The following RPS6KA5 variants were observed in gnomAD, a reference collection of about 807,000 sequenced individuals.
RPS6KA5 encodes ribosomal protein S6 kinase A5.
In RPS6KA5, 27 loss-of-function variants were observed where a neutral mutation model predicts 85.5. The ratio of observed to expected loss-of-function variants is 0.32; its 90% CI spans 0.23 to 0.44. The LOEUF (loss-of-function observed/expected upper bound fraction) is 0.44. RPS6KA5 is among the 20% of genes least tolerant of loss of function. The pLI is 1.00. For missense variants in RPS6KA5, 811 were observed against 980.9 expected, an observed-to-expected ratio of 0.83 and a Z score of 2.31; for synonymous variants, 334 against 348.2, an observed-to-expected ratio of 0.96 and a Z score of 0.46.
At position 90,853,710 on chromosome 14, in the gene RPS6KA5, T is replaced by A. The variant is rs1023300107; in HGVS notation, c.*18364A>T. The A allele has an allele frequency of 6.8e-6, 1 of 147,930 alleles. No individual in the cohort carries two copies. The highest frequency in any genetic ancestry group is 1.5e-5 in the Non-Finnish European group (1 of 67,020). The allele number at this position is 147,930 out of a possible 1,614,324, so 9.2% of individuals were successfully genotyped here. On this transcript the variant is annotated 3_prime_UTR_variant, in exon 17 of 17. Coordinates refer to ENST00000614987, the MANE Select transcript of RPS6KA5 (RefSeq NM_004755.4). ...AACCCTAAAATTTAACACTATGAAG[T>A]CTCTATATTAAATCAAAATCGTAAC...
chr14:90,931,964 A>G (rs1002211226), intron 5 of RPS6KA5, among the ~76,000 whole-genome samples: 1 of 152,250 alleles, frequency 6.6e-6, no homozygotes, highest in South Asian at 2.1e-4. Flanking sequence ...TGGTAATAGT[A>G]TATATTGTTT....
At chr14:90,917,886 G>C (rs2036207777) in intron 7 of RPS6KA5, among the ~76,000 whole-genome samples, 1 of 152,132 alleles carries the variant, frequency 6.6e-6, no homozygotes, top group South Asian at 2.1e-4. Flanking sequence ...CATTGCTAAG[G>C]AGTATTCCAT....
At chr14:90,904,342 A>G (rs1014453538) in intron 8 of RPS6KA5, among the ~76,000 whole-genome samples, 2 of 152,206 alleles carry the variant, frequency 1.3e-5, no homozygotes, top group African/African-American at 2.4e-5. Flanking sequence ...TGCAATAGAA[A>G]CAAAATAATT....
intron 1 of RPS6KA5, among the ~76,000 whole-genome samples, chr14:91,007,310 A>T (rs1422672252): frequency 6.6e-6 from 1 of 152,244 alleles, no homozygotes; most frequent in Non-Finnish European, 1.5e-5. Context: ...AAAAACTTAG[A>T]ATAGAGCTAA....
At chr14:91,036,221 A>G (rs1387203252) in intron 1 of RPS6KA5, among the ~76,000 whole-genome samples, 1 of 152,230 alleles carries the variant, frequency 6.6e-6, no homozygotes, top group Non-Finnish European at 1.5e-5. Context: ...ATGGACAGTT[A>G]AGAAGCTCCA....
chr14:90,916,882 T>C (rs1385224915), intron 7 of RPS6KA5, among the ~76,000 whole-genome samples: 2 of 152,218 alleles, frequency 1.3e-5, no homozygotes, highest in African/African-American at 4.8e-5. Flanking sequence ...ATAAAGGGAA[T>C]AAAAGCAATT....
intron 14 of RPS6KA5, among the ~76,000 whole-genome samples, chr14:90,880,831 CTTTTT>C (rs560458875): frequency 1.5e-5 from 2 of 132,458 alleles, no homozygotes; most frequent in Non-Finnish European, 3.3e-5. Context: ...CTTTTGTAAA[CTTTTT>C]TTTTTTTTTT....
intron 1 of RPS6KA5, among the ~76,000 whole-genome samples, chr14:91,009,735 A>C (rs1243118500): frequency 6.6e-6 from 1 of 152,236 alleles, no homozygotes; most frequent in African/African-American, 2.4e-5. Flanking sequence ...TCATGTAGGC[A>C]GCTCTAGACA....
At chr14:90,879,781 A>ATT (rs10609342) in intron 14 of RPS6KA5, among the ~76,000 whole-genome samples, 6 of 128,970 alleles carry the variant, frequency 4.7e-5, no homozygotes, top group Admixed American at 1.5e-4. Context: ...TCCACTCCTA[A>ATT]TTTTTTTTTT....
chr14:90,983,809 C>G (rs868567179), intron 2 of RPS6KA5, among the ~76,000 whole-genome samples: 367 of 127,044 alleles, frequency 2.9e-3, no homozygotes, highest in South Asian at 4.2e-3. Context: ...CTCTCTCTCT[C>G]TCTCTCTGTC....
chr14:90,891,541 C>A (rs1253000025), intron 13 of RPS6KA5, among the ~76,000 whole-genome samples: 5 of 151,992 alleles, frequency 3.3e-5, no homozygotes. Flanking sequence ...CTTTAGGCAT[C>A]CTAACAAAAT....
intron 1 of RPS6KA5, among the ~76,000 whole-genome samples, chr14:91,056,468 T>C (rs886600521): frequency 2.6e-5 from 4 of 152,176 alleles, no homozygotes; most frequent in African/African-American, 4.8e-5. Context: ...GATGTAAAAC[T>C]TGCAGTCTAT....
At chr14:90,956,263 T>C (rs1027616282) in intron 3 of RPS6KA5, among the ~76,000 whole-genome samples, 4 of 152,190 alleles carry the variant, frequency 2.6e-5, no homozygotes, top group Admixed American at 2.6e-4. Flanking sequence ...GGATTGGCCT[T>C]TTTTTATCAT....
intron 1 of RPS6KA5, chr14:91,052,441 G>T: frequency 3.5e-6 from 1 of 281,784 alleles, no homozygotes; most frequent in South Asian, 2.8e-5. Flanking sequence ...ACTCCAGCCT[G>T]GGCAACAGAG....
rs771910096 is a variant in RPS6KA5 at position 90,910,887 on chromosome 14, G to A, written c.807-4588C>T. 4.6e-5 allele frequency among the ~76,000 whole-genome samples: 7 copies of A among 151,804 alleles called. No homozygotes were observed. The South Asian group carries it at 8.3e-4, about 18-fold the overall frequency. Reference sequence around the variant, plus strand: ...TTTTTAGTAGAGACAGGGTTTCACCGTGTTAGCCAGGATCGTCTCGATCTC... The same window carrying A: ...TTTTTAGTAGAGACAGGGTTTCACCATGTTAGCCAGGATCGTCTCGATCTC... On this transcript the variant is annotated intron_variant, in intron 7 of 16. Transcript: ENST00000614987.
chr14:90,945,515 C>T (rs2037827377), intron 4 of RPS6KA5, among the ~76,000 whole-genome samples: 1 of 152,176 alleles, frequency 6.6e-6, no homozygotes, highest in South Asian at 2.1e-4. Flanking sequence ...CTGTGAAACT[C>T]AATGTTAGTA....
chr14:90,977,860 G>A (rs2140477814), intron 3 of RPS6KA5, among the ~76,000 whole-genome samples: 2 of 152,264 alleles, frequency 1.3e-5, no homozygotes, highest in East Asian at 3.9e-4. Flanking sequence ...TTCGAGAGCA[G>A]GCTGGCCAAT....
intron 8 of RPS6KA5, among the ~76,000 whole-genome samples, chr14:90,905,809 G>A (rs1345167200): frequency 2.0e-5 from 3 of 152,112 alleles, no homozygotes; most frequent in Middle Eastern, 3.2e-3. Context: ...TACAGTAAAA[G>A]TCTCAGTCCA....
At position 90,927,923 on chromosome 14, in the gene RPS6KA5, C is replaced by CTTT. The variant is rs1555363686; in HGVS notation, c.619-4730_619-4728dup. On this transcript the variant is annotated intron_variant, in intron 5 of 16. Transcript: ENST00000614987. ...TCAGGCATATGTCTTTTTTCTCTTT[C>CTTT]TTTCTTTTCTTTTCTTTTTTTTTTT... is the stretch of plus-strand genomic sequence containing the variant. Among the ~76,000 whole-genome samples, 5 of 135,834 alleles carry CTTT rather than the reference C, an allele frequency of 3.7e-5. No homozygotes were observed. The South Asian group carries it at 1.1e-3, about 31-fold the overall frequency. 89.1% of individuals were successfully genotyped at this position (135,834 alleles called of 152,430 possible).
Sources: allele counts gnomAD v4.1 joint callset (sites outside exome capture counted in the v4.1 genomes callset), GRCh38; gene constraint gnomAD v4.1.1; transcripts MANE v1.5; gene names NCBI Gene and HGNC (gene_info 2026-07-23, HGNC 2026-07-21).